The following USH2A variants were observed in gnomAD, a reference collection of about 807,000 sequenced individuals.
USH2A encodes Usher syndrome 2A (autosomal recessive, mild).
In USH2A, 443 loss-of-function variants were observed where a neutral mutation model predicts 538.9. The observed-to-expected ratio is 0.82, with a 90% CI of 0.76 to 0.89. The LOEUF (loss-of-function observed/expected upper bound fraction) is 0.89, where lower values mean the gene tolerates loss of function less well. Ranked by LOEUF, USH2A falls within the 40% of genes least tolerant of loss-of-function variation. The probability of loss-of-function intolerance (pLI) is 0.00; values close to 1 mark genes in which losing one functional copy is unlikely to be tolerated. For synonymous variants in USH2A, 2,413 were observed against 2,273.5 expected (o/e 1.06, Z -1.75); for missense variants, 6,633 against 6,324.8 (o/e 1.05, Z -1.65).
chr1:215,844,270 A>G (rs1558123979), intron 46 of USH2A, 24 bp downstream of exon 46: 3 of 1,610,108 alleles, frequency 1.9e-6, no homozygotes, highest in Middle Eastern at 3.5e-4. Context: ...CATAAGCCTA[A>G]CCATCAAAAA....
chr1:215,634,743 G>T, intron 69 of USH2A, 40 bp from the exon 70 acceptor site: 1 of 1,614,112 alleles, frequency 6.2e-7, no homozygotes, highest in South Asian at 1.1e-5. Context: ...TGTTATTTCA[G>T]AAAGCATTTT....
At chr1:215,718,024 A>G (rs1269385942) in intron 61 of USH2A, among the ~76,000 whole-genome samples, 29 of 152,186 alleles carry the variant, frequency 1.9e-4, no homozygotes, top group Non-Finnish European at 1.2e-4. Flanking sequence ...TACAAATTTA[A>G]ACCCTCTGTG....
At chr1:216,047,723 C>A (rs1201534560) in intron 31 of USH2A, among the ~76,000 whole-genome samples, 1 of 152,160 alleles carries the variant, frequency 6.6e-6, no homozygotes, top group Non-Finnish European at 1.5e-5. Context: ...GACTGGCTGA[C>A]TCTTTTTCCC....
In USH2A at chr1:215,844,469, A is replaced by G; in HGVS notation, c.9083T>C (p.Val3028Ala). ...GEPQGMLPPE[V>A]VIINSTAVRV... ...TACAGCTGTACTGTTGATGATGACA[A>G]CCTCTGGAGGAAGCATGCCCTGAGG... Residue 3028 changes from valine to alanine, a missense_variant, in exon 46 of 72, where the codon GTT becomes GCT. Physicochemically the swap from Val to Ala is moderately conservative, Grantham distance 64. Coordinates refer to ENST00000307340, the MANE Select transcript of USH2A (RefSeq NM_206933.4). The G allele has an allele frequency of 6.2e-7, 1 of 1,611,392 alleles. No individual in the cohort carries two copies. The highest frequency in any genetic ancestry group is 1.1e-5 in the South Asian group (1 of 91,084).
chr1:216,220,574 G>A (rs1219262617), intron 14 of USH2A, among the ~76,000 whole-genome samples: 1 of 150,954 alleles, frequency 6.6e-6, no homozygotes, highest in Non-Finnish European at 1.5e-5. Flanking sequence ...AATAAGCCAG[G>A]GAAGTCGGGG....
chr1:216,043,095 C>A (rs928940371), intron 32 of USH2A, among the ~76,000 whole-genome samples: 45 of 151,994 alleles, frequency 3.0e-4, no homozygotes, highest in African/African-American at 1.1e-3. Flanking sequence ...GTTCTGGGGT[C>A]TTTCTTTTAG....
At chr1:216,175,560 T>C (rs1052222179) in intron 20 of USH2A, 78 bp from the exon 21 acceptor site, 10 of 1,271,798 alleles carry the variant, frequency 7.9e-6, no homozygotes, top group Admixed American at 5.1e-5. Context: ...TATACGTATA[T>C]ATGTATTTGT....
At chr1:216,094,378 G>T (rs1010478963) in intron 22 of USH2A, among the ~76,000 whole-genome samples, 1 of 151,902 alleles carries the variant, frequency 6.6e-6, no homozygotes, top group Admixed American at 6.6e-5. Flanking sequence ...CCCACACCCC[G>T]CCACTAAGCT....
At chr1:215,819,588 A>G (rs1236516511) in intron 47 of USH2A, among the ~76,000 whole-genome samples, 1 of 151,810 alleles carries the variant, frequency 6.6e-6, no homozygotes, top group Non-Finnish European at 1.5e-5. Flanking sequence ...CACATTCTGC[A>G]GATACCTTTT....
chr1:215,953,824 G>A (rs1433749421), intron 37 of USH2A, among the ~76,000 whole-genome samples: 1 of 151,554 alleles, frequency 6.6e-6, no homozygotes, highest in East Asian at 1.9e-4. Flanking sequence ...TCTGACAAAG[G>A]GCTAATATCC....
At chr1:216,420,877 A>G (rs1312847862) in intron 2 of USH2A, among the ~76,000 whole-genome samples, 2 of 152,176 alleles carry the variant, frequency 1.3e-5, no homozygotes, top group Non-Finnish European at 2.9e-5. Context: ...AATTGAAACT[A>G]AACACCAAAA....
At chr1:215,677,303 C>G (rs1658064269) in intron 62 of USH2A, among the ~76,000 whole-genome samples, 1 of 152,140 alleles carries the variant, frequency 6.6e-6, no homozygotes, top group Admixed American at 6.5e-5. Context: ...TTCTCATTAT[C>G]TCCTACGTCA....
chr1:215,698,051 C>T (rs543300824), intron 61 of USH2A, among the ~76,000 whole-genome samples: 16 of 152,222 alleles, frequency 1.1e-4, no homozygotes, highest in Middle Eastern at 3.4e-3. Flanking sequence ...TTGTTCAACT[C>T]CCACTTATGA....
At chr1:216,115,276 G>A (rs111966175) in intron 21 of USH2A, among the ~76,000 whole-genome samples, 3,775 of 152,046 alleles carry the variant, frequency 0.025, 174 homozygotes, top group African/African-American at 0.084. Flanking sequence ...TGAGTAGCTG[G>A]GACTACAAGC....
At chr1:216,150,455 C>A (rs2033808872) in intron 21 of USH2A, among the ~76,000 whole-genome samples, 1 of 151,574 alleles carries the variant, frequency 6.6e-6, no homozygotes, top group Non-Finnish European at 1.5e-5. Flanking sequence ...TCTCTCCTAG[C>A]TGCTTCTAAT....
In USH2A at chr1:215,680,406, G is replaced by T. The variant is rs529516454; in HGVS notation, c.12067-30C>A. 5.7e-4 allele frequency: 685 copies of T among 1,203,700 alleles called. 2 individuals are homozygous for T. In the African/African-American group the frequency reaches 9.3e-3, roughly 16 times the overall value. The allele number at this position is 1,203,700 out of a possible 1,614,324, so 74.6% of individuals were successfully genotyped here. A position where few individuals can be genotyped will look rare whatever the true frequency, so the allele number is the denominator to read the frequency against. Reference sequence around the variant, plus strand: ...AAGAAAATTAACAGGTTAAGTTGTTGTTTTTTTTTTTTGAAACTGACAATA... The same window carrying T: ...AAGAAAATTAACAGGTTAAGTTGTTTTTTTTTTTTTTTGAAACTGACAATA... On this transcript the variant is annotated intron_variant, in intron 61 of 71. Coordinates refer to ENST00000307340, the MANE Select transcript of USH2A (RefSeq NM_206933.4).
chr1:215,755,541 T>C (rs894397172), intron 58 of USH2A, among the ~76,000 whole-genome samples: 1 of 152,218 alleles, frequency 6.6e-6, no homozygotes, highest in Non-Finnish European at 1.5e-5. Context: ...GTCAAAATCA[T>C]CTGACTGTTT....
rs774526348 is a variant in USH2A, at chr1:215,625,182, G to A, written c.*599C>T. ...CAAAAAGTTTGGTGAGTAACCCTAT[G>A]TATTGTAAATAAATAGAACCTTCAG... On this transcript the variant is annotated 3_prime_UTR_variant, in exon 72 of 72. Coordinates refer to ENST00000307340, the MANE Select transcript of USH2A (RefSeq NM_206933.4). 2 of 156,358 alleles carry A rather than the reference G, an allele frequency of 1.3e-5. No individual in the cohort carries two copies. The highest frequency in any genetic ancestry group is 2.8e-5 in the Non-Finnish European group (2 of 70,544). 9.7% of individuals were successfully genotyped at this position (156,358 alleles called of 1,614,324 possible).
intron 15 of USH2A, among the ~76,000 whole-genome samples, chr1:216,209,435 A>C (rs1219423784): frequency 6.6e-6 from 1 of 152,202 alleles, no homozygotes; most frequent in South Asian, 2.1e-4. Flanking sequence ...GGACAGAGCA[A>C]AGTGGAAAAG....
Sources: allele counts gnomAD v4.1 joint callset (sites outside exome capture counted in the v4.1 genomes callset), GRCh38; gene constraint gnomAD v4.1.1; transcripts MANE v1.5; gene names NCBI Gene and HGNC (gene_info 2026-07-23, HGNC 2026-07-21).